The following PRKG1 variants were observed in gnomAD, a reference collection of about 807,000 sequenced individuals.
The protein encoded by PRKG1 is cGMP-dependent protein kinase 1.
Under a neutral mutation model 88.1 loss-of-function variants are expected in PRKG1, and 35 were observed. The observed-to-expected ratio is 0.40, with a 90% confidence interval of 0.30 to 0.53. The LOEUF is 0.53. Ranked by LOEUF, PRKG1 falls within the 20% of genes least tolerant of loss-of-function variation. The pLI is 0.59. For missense variants in PRKG1, 540 were observed against 839.8 expected, an observed-to-expected ratio of 0.64 and a Z score of 4.41; for synonymous variants, 303 against 292.5, an observed-to-expected ratio of 1.04 and a Z score of -0.37.
chr10:51,161,211 G>A (rs895505799), intron 2 of PRKG1, among the ~76,000 whole-genome samples: 2 of 151,842 alleles, frequency 1.3e-5, no homozygotes, highest in African/African-American at 4.8e-5. Flanking sequence ...ATAGAGGTAG[G>A]TGATTAAGCT....
intron 3 of PRKG1, among the ~76,000 whole-genome samples, chr10:51,679,752 T>G (rs757417114): frequency 6.8e-6 from 1 of 146,028 alleles, no homozygotes. Context: ...CTCTAAGTTT[T>G]AGGGTACATG....
intron 7 of PRKG1, chr10:52,128,587 T>C (rs1837165716): frequency 1.0e-6 from 1 of 984,696 alleles, no homozygotes; most frequent in African/African-American, 1.7e-5. Flanking sequence ...GGGATATTTT[T>C]CATGCTCTAT....
At chr10:51,185,897 T>A (rs1399021670) in intron 2 of PRKG1, among the ~76,000 whole-genome samples, 3 of 151,792 alleles carry the variant, frequency 2.0e-5, no homozygotes, top group Admixed American at 6.6e-5. Flanking sequence ...TTTTAAGTCA[T>A]TTCCTTAGGA....
chr10:51,714,221 G>T (rs1358840071), intron 3 of PRKG1, among the ~76,000 whole-genome samples: 2 of 152,064 alleles, frequency 1.3e-5, no homozygotes, highest in Non-Finnish European at 2.9e-5. Context: ...CTCGTGATCC[G>T]CCCACCTCGG....
intron 2 of PRKG1, among the ~76,000 whole-genome samples, chr10:51,430,065 A>G (rs1199390468): frequency 2.0e-5 from 3 of 152,016 alleles, no homozygotes; most frequent in Non-Finnish European, 4.4e-5. Context: ...CCAAAGCTAC[A>G]TATATCATAA....
chr10:51,480,418 T>C (rs1840320101), intron 3 of PRKG1, among the ~76,000 whole-genome samples: 1 of 152,162 alleles, frequency 6.6e-6, no homozygotes, highest in South Asian at 2.1e-4. Context: ...AGAGTGTAAT[T>C]TAATCATACT....
At chr10:51,776,052 C>T (rs1389897101) in intron 3 of PRKG1, among the ~76,000 whole-genome samples, 2 of 152,048 alleles carry the variant, frequency 1.3e-5, no homozygotes, top group Non-Finnish European at 1.5e-5. Context: ...AGTCGGTTTC[C>T]CCACTGAAAC....
At chr10:51,629,885 CT>C (rs1839479968) in intron 3 of PRKG1, among the ~76,000 whole-genome samples, 1 of 152,154 alleles carries the variant, frequency 6.6e-6, no homozygotes, top group Non-Finnish European at 1.5e-5. Context: ...CTGGCTCCAT[CT>C]CTTTCAAACC....
chr10:52,032,349 T>C (rs1480508006), intron 5 of PRKG1, among the ~76,000 whole-genome samples: 2 of 152,220 alleles, frequency 1.3e-5, no homozygotes, highest in African/African-American at 2.4e-5. Context: ...GTTTACCTGC[T>C]GGGTGCTCTT....
chr10:51,769,517 C>T (rs1180283766), intron 3 of PRKG1, among the ~76,000 whole-genome samples: 1 of 152,128 alleles, frequency 6.6e-6, no homozygotes, highest in Non-Finnish European at 1.5e-5. Context: ...GAATATTCCA[C>T]ATATGAAATA....
At chr10:51,556,147 A>G (rs1482612622) in intron 3 of PRKG1, among the ~76,000 whole-genome samples, 1 of 152,080 alleles carries the variant, frequency 6.6e-6, no homozygotes, top group African/African-American at 2.4e-5. Flanking sequence ...CTTACAGTAA[A>G]GAAGTTTTTT....
intron 7 of PRKG1, among the ~76,000 whole-genome samples, chr10:52,104,498 G>GA (rs577580345): frequency 0.011 from 1,660 of 145,940 alleles, 17 homozygotes; most frequent in African/African-American, 0.017. Flanking sequence ...AATTTGTTCT[G>GA]AAAAAAAAAA....
intron 2 of PRKG1, among the ~76,000 whole-genome samples, chr10:51,422,372 G>A (rs1838441839): frequency 6.6e-6 from 1 of 152,178 alleles, no homozygotes; most frequent in Admixed American, 6.5e-5. Context: ...TAGCATGATG[G>A]GTAGTACAGA....
At chr10:51,882,511 G>C (rs1277507572) in intron 4 of PRKG1, among the ~76,000 whole-genome samples, 1 of 152,090 alleles carries the variant, frequency 6.6e-6, no homozygotes, top group Non-Finnish European at 1.5e-5. Context: ...TTTATCCTTT[G>C]TGTTTAACTC....
At chr10:51,495,243 C>A (rs1031520850) in intron 3 of PRKG1, among the ~76,000 whole-genome samples, 1 of 152,086 alleles carries the variant, frequency 6.6e-6, no homozygotes, top group Non-Finnish European at 1.5e-5. Context: ...TACAGGCGAG[C>A]GCCACCACAC....
chr10:51,646,468 A>G (rs1193595013), intron 3 of PRKG1, among the ~76,000 whole-genome samples: 1 of 152,074 alleles, frequency 6.6e-6, no homozygotes, highest in East Asian at 1.9e-4. Flanking sequence ...GCTGAATAAA[A>G]ACTGGAAGCT....
At chr10:51,723,450 C>T (rs1385837195) in intron 3 of PRKG1, among the ~76,000 whole-genome samples, 2 of 152,118 alleles carry the variant, frequency 1.3e-5, no homozygotes, top group East Asian at 1.9e-4. Flanking sequence ...GGGAAGAGAA[C>T]ATCACACAAC....
intron 4 of PRKG1, among the ~76,000 whole-genome samples, chr10:51,900,074 G>C (rs1841947286): frequency 6.6e-6 from 1 of 152,216 alleles, no homozygotes; most frequent in East Asian, 1.9e-4. Context: ...ACAGCCTGCA[G>C]AATCATTAGC....
At chr10:51,057,723 T>C (rs1681470245) in intron 1 of PRKG1, among the ~76,000 whole-genome samples, 1 of 152,192 alleles carries the variant, frequency 6.6e-6, no homozygotes. Flanking sequence ...TTACTGTTTT[T>C]ATATTCTATT....
Sources: gnomAD v4.1 joint callset for allele counts (sites outside exome capture counted in the v4.1 genomes callset) on GRCh38, gnomAD v4.1.1 for gene constraint, MANE v1.5 for transcripts, NCBI Gene and HGNC (gene_info 2026-07-23, HGNC 2026-07-21) for gene names.